Variants in FOCAD observed in about 807,000 individuals in gnomAD.
FOCAD encodes the protein focadhesin.
In FOCAD, 198 loss-of-function variants were observed where a neutral mutation model predicts 225.6. The observed-to-expected ratio is 0.88, with a 90% CI of 0.78 to 0.99. The LOEUF (loss-of-function observed/expected upper bound fraction) is 0.99. Ranked by LOEUF, FOCAD falls within the 50% of genes least tolerant of loss-of-function variation. The pLI, the probability that FOCAD is intolerant of heterozygous loss-of-function variation, is 0.00. For missense variants in FOCAD, 2,713 were observed against 2,123.6 expected, an observed-to-expected ratio of 1.28 and a Z score of -5.46; for synonymous variants, 897 against 755.0, an observed-to-expected ratio of 1.19 and a Z score of -3.08.
intron 21 of FOCAD, among the ~76,000 whole-genome samples, chr9:20,893,511 G>A (rs1831809480): frequency 6.6e-6 from 1 of 152,010 alleles, no homozygotes; most frequent in Non-Finnish European, 1.5e-5. Flanking sequence ...ATGTGAATAA[G>A]CCCTTATGTA....
At chr9:20,846,306 A>T (rs1282070946) in intron 15 of FOCAD, among the ~76,000 whole-genome samples, 1 of 152,128 alleles carries the variant, frequency 6.6e-6, no homozygotes, top group Non-Finnish European at 1.5e-5. Flanking sequence ...TAGGCTGCAC[A>T]GAATCAAAGG....
chr9:20,948,966 A>G (rs1174316054), intron 32 of FOCAD, 38 bp downstream of exon 32: 3 of 1,569,254 alleles, frequency 1.9e-6, no homozygotes, highest in African/African-American at 1.4e-5. Flanking sequence ...ACATCTAAAT[A>G]TGTACATAGC....
At chr9:20,776,661 C>T (rs1818788661) in intron 8 of FOCAD, among the ~76,000 whole-genome samples, 1 of 152,174 alleles carries the variant, frequency 6.6e-6, no homozygotes, top group Non-Finnish European at 1.5e-5. Flanking sequence ...TTTTAAGTTC[C>T]ATCCACTTAA....
rs141620768 is a variant in FOCAD, at chr9:20,820,345, C to T, written c.1582C>T (p.Arg528Ter). ...CTAGGTGTGTATAGGACAAATTCTA[C>T]GAATAATACAACTACTTGGAACCAC... is the stretch of plus-strand genomic sequence containing the variant. ...VHKVCIGQIL[R>*]IIQLLGTTPR... is the part of the protein sequence containing the mutation. Residue 528 changes from arginine (R) to a stop codon, truncating the protein, a stop_gained, in exon 13 of 44, where the codon CGA (arginine) becomes TGA (stop). Coordinates refer to ENST00000338382, the MANE Select transcript of FOCAD (RefSeq NM_001375567.1). LOFTEE classifies it high-confidence loss of function. 2.5e-5 allele frequency: 41 copies of T among 1,611,890 alleles called. No homozygotes were observed. The highest frequency in any genetic ancestry group is 6.7e-5 in the East Asian group (3 of 44,778).
chr9:20,748,817 A>G (rs1828291725), intron 5 of FOCAD, among the ~76,000 whole-genome samples: 1 of 152,156 alleles, frequency 6.6e-6, no homozygotes, highest in Admixed American at 6.6e-5. Flanking sequence ...GTTTACACCT[A>G]AGATTTATAA....
intron 2 of FOCAD, among the ~76,000 whole-genome samples, chr9:20,668,252 G>T (rs971273320): frequency 1.3e-5 from 2 of 152,066 alleles, no homozygotes; most frequent in African/African-American, 4.8e-5. Flanking sequence ...GGGGGAAAAT[G>T]ACCCCAGAAT....
At chr9:20,953,641 G>A (rs1837883072) in intron 35 of FOCAD, among the ~76,000 whole-genome samples, 1 of 152,172 alleles carries the variant, frequency 6.6e-6, no homozygotes, top group African/African-American at 2.4e-5. Flanking sequence ...CCAGAACAGT[G>A]CCATGTAACT....
chr9:20,912,467 G>C (rs910183056), intron 22 of FOCAD, among the ~76,000 whole-genome samples: 3 of 152,004 alleles, frequency 2.0e-5, no homozygotes, highest in Non-Finnish European at 4.4e-5. Flanking sequence ...TTGTTTTCTA[G>C]TTTTCTATTA....
chr9:20,717,704 T>C (rs1358911610), intron 2 of FOCAD, 90 bp from the exon 3 acceptor site: 1 of 997,872 alleles, frequency 1.0e-6, no homozygotes, highest in African/African-American at 1.6e-5. Flanking sequence ...TTAATCCTAA[T>C]TGACTGCCTG....
chr9:20,786,086 A>G (rs1819894370), intron 10 of FOCAD, among the ~76,000 whole-genome samples: 1 of 152,164 alleles, frequency 6.6e-6, no homozygotes, highest in South Asian at 2.1e-4. Flanking sequence ...AGTGAAGGGT[A>G]GAGTTGGAAT....
intron 35 of FOCAD, among the ~76,000 whole-genome samples, chr9:20,958,339 A>G (rs1361636474): frequency 1.3e-5 from 2 of 151,868 alleles, no homozygotes; most frequent in Non-Finnish European, 2.9e-5. Context: ...AGGTCTGAAC[A>G]TCTGTACATT....
intron 21 of FOCAD, among the ~76,000 whole-genome samples, chr9:20,903,354 T>C (rs1411687965): frequency 2.0e-5 from 3 of 151,976 alleles, no homozygotes; most frequent in African/African-American, 4.8e-5. Flanking sequence ...CTGATAAAGC[T>C]CTGTCTGAGC....
chr9:20,693,605 C>A (rs1358967268), intron 1 of FOCAD, among the ~76,000 whole-genome samples: 1 of 152,178 alleles, frequency 6.6e-6, no homozygotes, highest in Non-Finnish European at 1.5e-5. Flanking sequence ...GTACTGCAAC[C>A]TTTTTCAGGA....
chr9:20,846,872 A>G (rs1827167157), intron 15 of FOCAD, among the ~76,000 whole-genome samples: 1 of 152,120 alleles, frequency 6.6e-6, no homozygotes, highest in Admixed American at 6.6e-5. Context: ...TACTGTGCCA[A>G]GTCTTTTTAT....
chr9:20,983,817 A>G (rs35189781), intron 39 of FOCAD, among the ~76,000 whole-genome samples: 54,792 of 151,892 alleles, frequency 0.36, 10,160 homozygotes, highest in East Asian at 0.51. Flanking sequence ...CTCTTTTGAG[A>G]GTTCAGTGAG....
chr9:20,744,935 T>C (rs1827925810), intron 5 of FOCAD, among the ~76,000 whole-genome samples: 2 of 152,162 alleles, frequency 1.3e-5, no homozygotes, highest in Non-Finnish European at 2.9e-5. Context: ...CAGGTACTAT[T>C]TTCAAGAATT....
chr9:20,813,483 G>A (rs1447585703), intron 11 of FOCAD, among the ~76,000 whole-genome samples: 1 of 152,098 alleles, frequency 6.6e-6, no homozygotes, highest in Non-Finnish European at 1.5e-5. Flanking sequence ...ACAGTGCACA[G>A]ATGTTCTAAT....
intron 1 of FOCAD, among the ~76,000 whole-genome samples, chr9:20,687,540 A>G (rs993566102): frequency 6.6e-6 from 1 of 152,208 alleles, no homozygotes; most frequent in Non-Finnish European, 1.5e-5. Flanking sequence ...ATCATTGCAC[A>G]TGTTGGTTTA....
chr9:20,866,917 T>TTTAACAAAAAA lies in FOCAD; in HGVS notation c.2107-12_2107-11insTTAACAAAAAA. ...TTTTTTTTTTTTTTTTTTTTTTTTTTACCCTATCTAGGACCCAATTGTAGC... is the reference window on the plus strand; with the variant it reads ...TTTTTTTTTTTTTTTTTTTTTTTTTTTTAACAAAAAAACCCTATCTAGGACCCAATTGTAGC... On this transcript the variant is annotated splice_polypyrimidine_tract_variant and intron_variant, in intron 17 of 43. Coordinates refer to ENST00000338382, the MANE Select transcript of FOCAD (RefSeq NM_001375567.1). 1.3e-6 allele frequency: 1 copy of TTTAACAAAAAA among 764,968 alleles called. No homozygotes were observed. Among genetic ancestry groups the TTTAACAAAAAA allele is most frequent in the Non-Finnish European group, 2.0e-6 (1 of 498,464 alleles). 47.4% of individuals were successfully genotyped at this position (764,968 alleles called of 1,614,324 possible).
Sources: gnomAD v4.1 joint callset for allele counts (sites outside exome capture counted in the v4.1 genomes callset) on GRCh38, gnomAD v4.1.1 for gene constraint, MANE v1.5 for transcripts, NCBI Gene and HGNC (gene_info 2026-07-23, HGNC 2026-07-21) for gene names.